The following ARHGAP44 variants were observed in gnomAD, a reference collection of about 807,000 sequenced individuals.
ARHGAP44 encodes the protein Rho GTPase activating protein 44.
A neutral mutation model predicts 106.8 loss-of-function variants in ARHGAP44; 43 were observed. That is an observed-to-expected ratio of 0.40 (90% CI 0.32 to 0.52). The LOEUF (loss-of-function observed/expected upper bound fraction) is 0.52. Among genes scored for constraint, ARHGAP44 ranks in the 20% least tolerant of loss-of-function variants. The probability of loss-of-function intolerance (pLI) is 0.48; values close to 1 mark genes in which losing one functional copy is unlikely to be tolerated. For missense variants in ARHGAP44, 866 were observed against 1,050.5 expected, an observed-to-expected ratio of 0.82 and a Z score of 2.43; for synonymous variants, 439 against 410.3, an observed-to-expected ratio of 1.07 and a Z score of -0.85.
intron 1 of ARHGAP44, among the ~76,000 whole-genome samples, chr17:12,863,002 A>G (rs1427924960): frequency 6.7e-6 from 1 of 150,240 alleles, no homozygotes; most frequent in African/African-American, 2.5e-5. Flanking sequence ...AAAATAAAAA[A>G]AAAGGCCGAG....
intron 12 of ARHGAP44, 107 bp from the exon 13 acceptor site, chr17:12,952,394 C>T: frequency 1.1e-6 from 1 of 874,962 alleles, no homozygotes. Context: ...CTGATATGGT[C>T]AGTTACAGTG....
At chr17:12,892,238 T>G (rs1373821994) in intron 1 of ARHGAP44, among the ~76,000 whole-genome samples, 1 of 152,240 alleles carries the variant, frequency 6.6e-6, no homozygotes, top group Non-Finnish European at 1.5e-5. Context: ...GTTGACAGTT[T>G]CTTTCTTTCA....
intron 19 of ARHGAP44, 26 bp from the exon 20 acceptor site, chr17:12,984,505 T>TTGTTG (rs760350508): frequency 4.0e-6 from 6 of 1,504,798 alleles, no homozygotes; most frequent in Non-Finnish European, 4.4e-6. Context: ...TTGTGTTTTG[T>TTGTTG]TGTTGTGTTG....
At chr17:12,846,484 G>A (rs942908491) in intron 1 of ARHGAP44, among the ~76,000 whole-genome samples, 1 of 152,214 alleles carries the variant, frequency 6.6e-6, no homozygotes, top group African/African-American at 2.4e-5. Context: ...ATTAGCCCAT[G>A]TAGGTGTGTT....
intron 1 of ARHGAP44, among the ~76,000 whole-genome samples, chr17:12,861,310 A>G (rs2150866651): frequency 6.6e-6 from 1 of 152,214 alleles, no homozygotes; most frequent in Non-Finnish European, 1.5e-5. Context: ...TTGTTTTTCT[A>G]TTCCTGCTAT....
At chr17:12,948,752 C>CACACACACACACACACACA (rs1221163562) in intron 10 of ARHGAP44, among the ~76,000 whole-genome samples, 1,444 of 140,886 alleles carry the variant, frequency 0.01, 63 homozygotes, top group East Asian at 0.019. Context: ...ACACACACAC[C>CACACACACACACACACACA]CCCTGTAGAC....
chr17:12,883,258 C>T (rs1213126365), intron 1 of ARHGAP44, among the ~76,000 whole-genome samples: 1 of 150,432 alleles, frequency 6.6e-6, no homozygotes, highest in Non-Finnish European at 1.5e-5. Context: ...ACTTTTATTT[C>T]CTATTATTAT....
rs772419526 is a variant in ARHGAP44, at chr17:12,944,099, A to G, written c.764A>G (p.Lys255Arg). The change falls in exon 10 of 21, where the codon AAG becomes AGG. Residue 255 changes from lysine to arginine, a missense_variant. Transcript: ENST00000379672. ...TGGGTAGAGAAGCCTTCCTTCGGGA[A>G]GCCGCTGGAGGAGCACCTCACCATC... is the stretch of plus-strand genomic sequence containing the variant. Reference protein sequence around the residue: ...EAWVEKPSFGKPLEEHLTISG... With the variant: ...EAWVEKPSFGRPLEEHLTISG... The G allele has an allele frequency of 1.2e-6, 2 of 1,612,410 alleles. No individual in the cohort carries two copies. The highest frequency in any genetic ancestry group is 2.2e-5 in the East Asian group (1 of 44,806).
intron 7 of ARHGAP44, among the ~76,000 whole-genome samples, chr17:12,930,122 G>A (rs2038355975): frequency 6.6e-6 from 1 of 152,200 alleles, no homozygotes; most frequent in South Asian, 2.1e-4. Context: ...TTTGTCATTT[G>A]AACTCCTGCA....
intron 7 of ARHGAP44, among the ~76,000 whole-genome samples, chr17:12,930,541 C>T (rs968535265): frequency 2.6e-5 from 4 of 152,096 alleles, no homozygotes; most frequent in East Asian, 1.9e-4. Context: ...CCTGGCCTAC[C>T]GTCTATTTTT....
chr17:12,869,115 G>A (rs904609585), intron 1 of ARHGAP44, among the ~76,000 whole-genome samples: 6 of 152,070 alleles, frequency 3.9e-5, no homozygotes, highest in African/African-American at 1.2e-4. Context: ...CCTGGGGCTC[G>A]AAAATAACCT....
rs373186963 is a variant in ARHGAP44 at position 12,958,829 on chromosome 17, C to A, written c.1455C>A (p.Pro485=). The change falls in exon 16 of 21, where the codon CCC becomes CCA. Residue 485 remains proline, a synonymous_variant. Coordinates refer to ENST00000379672, the MANE Select transcript of ARHGAP44 (RefSeq NM_014859.6). This position sits in a 1 kb window ranked among gnomAD's most constrained non-coding sequence, Gnocchi z 4.1. ...TGGACCCTGCTGACCGGCGCCAGCC[C>A]GAGCAGGCCCGCCGGCCCCTCAGCG... is the stretch of plus-strand genomic sequence containing the variant. The part of the protein sequence containing the change: ...PDMDPADRRQ[P]EQARRPLSVA... 1 of 1,587,606 alleles carries A rather than the reference C, an allele frequency of 6.3e-7. No homozygotes were observed.
chr17:12,945,827 C>T (rs2038836382), intron 10 of ARHGAP44, among the ~76,000 whole-genome samples: 1 of 152,148 alleles, frequency 6.6e-6, no homozygotes, highest in Non-Finnish European at 1.5e-5. Context: ...TGCTCTGTTG[C>T]CCAGGCTGGA....
At chr17:12,795,185 A>G (rs186370319) in intron 1 of ARHGAP44, among the ~76,000 whole-genome samples, 14 of 152,372 alleles carry the variant, frequency 9.2e-5, no homozygotes, top group African/African-American at 2.9e-4. Context: ...AATGGGTCTC[A>G]GAGCAAAGTT....
intron 1 of ARHGAP44, among the ~76,000 whole-genome samples, chr17:12,841,825 AT>A (rs1248985746): frequency 6.6e-5 from 10 of 152,012 alleles, no homozygotes; most frequent in Non-Finnish European, 1.0e-4. Flanking sequence ...AGCTTATGTG[AT>A]TTGGGAGGCC....
At chr17:12,877,026 T>C (rs1377386990) in intron 1 of ARHGAP44, among the ~76,000 whole-genome samples, 1 of 152,124 alleles carries the variant, frequency 6.6e-6, no homozygotes, top group African/African-American at 2.4e-5. Flanking sequence ...AAAATATTTG[T>C]GATATAAAAT....
At chr17:12,802,181 G>T (rs2034112435) in intron 1 of ARHGAP44, among the ~76,000 whole-genome samples, 1 of 152,186 alleles carries the variant, frequency 6.6e-6, no homozygotes, top group African/African-American at 2.4e-5. Flanking sequence ...TTTGAGACTT[G>T]GTCTGTATGA....
chr17:12,908,191 C>CTTTTTTTT (rs1228178926), intron 3 of ARHGAP44, among the ~76,000 whole-genome samples: 10 of 95,560 alleles, frequency 1.0e-4, no homozygotes, highest in African/African-American at 1.7e-4. Context: ...TGCCTCATTT[C>CTTTTTTTT]TTTTTTTTTT....
chr17:12,977,692 T>A (rs1470481939), intron 18 of ARHGAP44, among the ~76,000 whole-genome samples: 1 of 152,104 alleles, frequency 6.6e-6, no homozygotes, highest in Admixed American at 6.5e-5. Context: ...GCTGCACCTA[T>A]GCTGGAGAAA....
Sources: allele counts gnomAD v4.1 joint callset (sites outside exome capture counted in the v4.1 genomes callset), GRCh38; gene constraint gnomAD v4.1.1; non-coding constraint Gnocchi (gnomAD v3.1); transcripts MANE v1.5; gene names NCBI Gene and HGNC (gene_info 2026-07-23, HGNC 2026-07-21).